Variants in PDE4D observed in about 807,000 individuals in gnomAD.
PDE4D encodes the protein phosphodiesterase 4D.
Under a neutral mutation model 87.4 loss-of-function variants are expected in PDE4D, and 24 were observed. That is an observed-to-expected ratio of 0.27 (90% CI 0.20 to 0.39). The LOEUF is 0.39. Ranked by LOEUF, PDE4D falls within the 10% of genes least tolerant of loss-of-function variation. The pLI, the probability that PDE4D is intolerant of heterozygous loss-of-function variation, is 1.00. For synonymous variants in PDE4D, 384 were observed against 383.2 expected, an observed-to-expected ratio of 1.00 and a Z score of -0.02; for missense variants, 714 against 1,041.0, an observed-to-expected ratio of 0.69 and a Z score of 4.32.
intron 1 of PDE4D, among the ~76,000 whole-genome samples, chr5:59,541,879 G>A (rs1255281512): frequency 2.0e-5 from 3 of 152,104 alleles, no homozygotes; most frequent in African/African-American, 7.2e-5. Context: ...CTCAGATCTG[G>A]ATCTAGGGGT....
At chr5:60,513,621 C>A (rs1750669861) in intron 1 of PDE4D, among the ~76,000 whole-genome samples, 1 of 151,962 alleles carries the variant, frequency 6.6e-6, no homozygotes, top group African/African-American at 2.4e-5. Context: ...AATTCAAATT[C>A]TCTTAAAGTG....
intron 1 of PDE4D, among the ~76,000 whole-genome samples, chr5:59,885,978 AT>A (rs1238602422): frequency 6.6e-6 from 1 of 152,206 alleles, no homozygotes; most frequent in Non-Finnish European, 1.5e-5. Context: ...TCCATCATCT[AT>A]AAAATGGGTA....
intron 1 of PDE4D, among the ~76,000 whole-genome samples, chr5:59,800,703 A>C (rs1446630404): frequency 6.6e-6 from 1 of 151,452 alleles, no homozygotes; most frequent in Admixed American, 6.6e-5. Flanking sequence ...AGAAAGAGTG[A>C]GCTCACAGTC....
chr5:59,297,237 T>C (rs1414320966), intron 1 of PDE4D, among the ~76,000 whole-genome samples: 3 of 152,210 alleles, frequency 2.0e-5, no homozygotes, highest in Non-Finnish European at 4.4e-5. Context: ...TCTATCAACA[T>C]TGTGACATTT....
chr5:59,225,038 A>C (rs948813645), intron 1 of PDE4D, among the ~76,000 whole-genome samples: 14 of 152,190 alleles, frequency 9.2e-5, no homozygotes, highest in African/African-American at 3.4e-4. Context: ...CTGTTAAGAA[A>C]AATTTTCTTA....
intron 3 of PDE4D, among the ~76,000 whole-genome samples, chr5:59,967,345 T>C (rs539798166): frequency 3.3e-5 from 5 of 152,138 alleles, no homozygotes; most frequent in Admixed American, 2.6e-4. Context: ...AATGGAAGAA[T>C]ATATTTGCAA....
At chr5:59,724,087 T>G (rs186244009) in intron 1 of PDE4D, among the ~76,000 whole-genome samples, 1 of 152,150 alleles carries the variant, frequency 6.6e-6, no homozygotes, top group Non-Finnish European at 1.5e-5. Context: ...TGATTTTACT[T>G]GGTCCTTCTA....
intron 2 of PDE4D, among the ~76,000 whole-genome samples, chr5:60,084,429 C>T (rs1330615005): frequency 6.6e-6 from 1 of 151,802 alleles, no homozygotes; most frequent in African/African-American, 2.4e-5. Context: ...TGCGCATGCG[C>T]ACGCATGTGT....
At chr5:59,985,401 A>G (rs1283554591) in intron 3 of PDE4D, among the ~76,000 whole-genome samples, 1 of 151,742 alleles carries the variant, frequency 6.6e-6, no homozygotes, top group Non-Finnish European at 1.5e-5. Context: ...TCAGCCTCCC[A>G]AAGTGCTGGG....
chr5:60,266,886 A>T (rs980864279), intron 1 of PDE4D, among the ~76,000 whole-genome samples: 2 of 152,232 alleles, frequency 1.3e-5, no homozygotes, highest in Non-Finnish European at 2.9e-5. Context: ...GGACAAAATG[A>T]TAATGTCCCA....
chr5:59,583,916 C>G (rs921588787), intron 1 of PDE4D, among the ~76,000 whole-genome samples: 2 of 152,236 alleles, frequency 1.3e-5, no homozygotes, highest in African/African-American at 4.8e-5. Flanking sequence ...CAGAGCCTTT[C>G]TAGAGATGAG....
Position 60,070,050 on chromosome 5 carries a change from T to A in PDE4D, c.43-81333A>T, listed in dbSNP as rs182232195. On this transcript the variant is annotated intron_variant, in intron 2 of 16. Coordinates refer to the PDE4D transcript ENST00000502484. ...TTTTGTACTCTGTAATTTCACTAAA[T>A]TCATTTGTTAGTTCTAACAGTTTCT... is the stretch of plus-strand genomic sequence containing the variant. Among the ~76,000 whole-genome samples the A allele has an allele frequency of 3.3e-5, 5 of 152,290 alleles. No homozygotes were observed. The South Asian group carries it at 1.0e-3, about 32-fold the overall frequency.
intron 1 of PDE4D, among the ~76,000 whole-genome samples, chr5:60,461,899 AG>A (rs1746974156): frequency 6.6e-6 from 1 of 152,226 alleles, no homozygotes; most frequent in African/African-American, 2.4e-5. Context: ...CTGGTGACCA[AG>A]CATTATTCAC....
At chr5:59,214,970 A>G (rs1750906188) in intron 2 of PDE4D, among the ~76,000 whole-genome samples, 1 of 152,174 alleles carries the variant, frequency 6.6e-6, no homozygotes, top group Non-Finnish European at 1.5e-5. Context: ...AAAGATGGTG[A>G]ATGTTATTGG....
At chr5:60,462,584 G>A (rs139456254) in intron 1 of PDE4D, among the ~76,000 whole-genome samples, 7 of 152,220 alleles carry the variant, frequency 4.6e-5, no homozygotes, top group Admixed American at 1.3e-4. Context: ...CCACATAAAC[G>A]GAGTATCTCA....
intron 2 of PDE4D, among the ~76,000 whole-genome samples, chr5:60,143,014 T>A (rs1473800575): frequency 6.6e-6 from 1 of 152,210 alleles, no homozygotes; most frequent in African/African-American, 2.4e-5. Context: ...TATAGTTACA[T>A]GACATTAGAT....
At chr5:59,253,018 T>C (rs1760280190) in intron 1 of PDE4D, among the ~76,000 whole-genome samples, 1 of 152,152 alleles carries the variant, frequency 6.6e-6, no homozygotes, top group Non-Finnish European at 1.5e-5. Flanking sequence ...TAGATCATCA[T>C]CATCACTGAA....
intron 1 of PDE4D, among the ~76,000 whole-genome samples, chr5:60,351,950 C>T (rs1759235604): frequency 1.3e-5 from 2 of 150,506 alleles, no homozygotes; most frequent in Non-Finnish European, 3.0e-5. Flanking sequence ...GGACTACAGG[C>T]GTGCACCACC....
chr5:60,254,199 T>C (rs558603445), intron 1 of PDE4D, among the ~76,000 whole-genome samples: 20 of 152,036 alleles, frequency 1.3e-4, no homozygotes, highest in African/African-American at 4.8e-4. Flanking sequence ...CTGTAGTCCC[T>C]TGTTGGCTGC....
Sources: allele counts gnomAD v4.1 joint callset (sites outside exome capture counted in the v4.1 genomes callset), GRCh38; gene constraint gnomAD v4.1.1; transcripts MANE v1.5; gene names NCBI Gene and HGNC (gene_info 2026-07-23, HGNC 2026-07-21).